The following CRYL1 variants were observed in gnomAD, a reference collection of about 807,000 sequenced individuals.
CRYL1 encodes the protein lambda-crystallin homolog.
In CRYL1, 29 loss-of-function variants were observed where a neutral mutation model predicts 36.6. That is an observed-to-expected ratio of 0.79 (90% confidence interval 0.59 to 1.08). The LOEUF (loss-of-function observed/expected upper bound fraction) is 1.08. Among genes scored for constraint, CRYL1 ranks in the 50% least tolerant of loss-of-function variants. The pLI, the probability that CRYL1 is intolerant of heterozygous loss-of-function variation, is 0.00. For synonymous variants in CRYL1, 152 were observed against 151.5 expected, an observed-to-expected ratio of 1.00 and a Z score of -0.02; for missense variants, 411 against 407.9, an observed-to-expected ratio of 1.01 and a Z score of -0.06.
rs548384503 is a variant in CRYL1, at chr13:20,441,010, A to C, written c.277-1256T>G. On this transcript the variant is annotated intron_variant, in intron 3 of 7. Coordinates refer to ENST00000298248, the MANE Select transcript of CRYL1 (RefSeq NM_015974.3). ...TGTGGATGGAAGCACACCAGGTGGAAGACGCAAGAGCTGCTCTGACACTTT... is the reference window on the plus strand; with the variant it reads ...TGTGGATGGAAGCACACCAGGTGGACGACGCAAGAGCTGCTCTGACACTTT... 2.6e-5 allele frequency among the ~76,000 whole-genome samples: 4 copies of C among 152,290 alleles called. No homozygotes were observed. The East Asian group carries it at 7.7e-4, about 29-fold the overall frequency.
chr13:20,404,225 G>A lies in CRYL1; in HGVS notation c.864C>T (p.Val288=). ...EKVNQDMCMK[V]PDDPEHLAAR... is the part of the protein sequence containing the mutation. Reference sequence around the variant, plus strand: ...CAGCTAAGTGCTCCGGGTCATCAGGGACCTTCATGCACATGTCCTGCAAGA... The same window carrying A: ...CAGCTAAGTGCTCCGGGTCATCAGGAACCTTCATGCACATGTCCTGCAAGA... The change falls in exon 8 of 8, where the codon GTC becomes GTT. Residue 288 remains valine (V), a synonymous_variant. Transcript: ENST00000298248. 1.2e-6 allele frequency: 2 copies of A among 1,612,336 alleles called. No individual in the cohort carries two copies. Among genetic ancestry groups the A allele is most frequent in the Non-Finnish European group, 1.7e-6 (2 of 1,178,548 alleles).
chr13:20,511,032 T>C (rs2033906834), intron 2 of CRYL1, among the ~76,000 whole-genome samples: 1 of 151,858 alleles, frequency 6.6e-6, no homozygotes, highest in Non-Finnish European at 1.5e-5. Flanking sequence ...TCTATGTGAG[T>C]GGTTTTTCGG....
At chr13:20,430,193 A>G (rs1479249359) in intron 5 of CRYL1, 1 of 984,478 alleles carries the variant, frequency 1.0e-6, no homozygotes, top group African/African-American at 1.7e-5. Flanking sequence ...TTATTTTTAG[A>G]AACAAATTAT....
chr13:20,445,710 T>C (rs1157414047), intron 3 of CRYL1, among the ~76,000 whole-genome samples: 1 of 152,184 alleles, frequency 6.6e-6, no homozygotes, highest in Non-Finnish European at 1.5e-5. Flanking sequence ...AATTGTGAAA[T>C]AACTATAATT....
intron 3 of CRYL1, among the ~76,000 whole-genome samples, chr13:20,474,397 G>A (rs557033335): frequency 2.4e-4 from 36 of 152,250 alleles, no homozygotes; most frequent in African/African-American, 6.7e-4. Flanking sequence ...TCTGAGCTGG[G>A]AGGAGAGAGC....
At chr13:20,498,040 C>G (rs563586387) in intron 2 of CRYL1, among the ~76,000 whole-genome samples, 1 of 151,498 alleles carries the variant, frequency 6.6e-6, no homozygotes, top group Admixed American at 6.6e-5. Context: ...TAGAGCTACA[C>G]ACACAACTAC....
intron 3 of CRYL1, among the ~76,000 whole-genome samples, chr13:20,480,929 G>A (rs552769017): frequency 5.3e-5 from 8 of 152,182 alleles, no homozygotes; most frequent in Admixed American, 3.9e-4. Context: ...TCTCTTGAAT[G>A]TATAACATTT....
At chr13:20,505,916 A>T (rs1030842596) in intron 2 of CRYL1, among the ~76,000 whole-genome samples, 8 of 152,180 alleles carry the variant, frequency 5.3e-5, no homozygotes, top group Non-Finnish European at 1.0e-4. Flanking sequence ...GTTGCTGTTG[A>T]CAAGACTTCA....
In CRYL1 at chr13:20,507,006, G is replaced by A. The variant is rs144096615; in HGVS notation, c.149+5437C>T. 1.8e-3 allele frequency among the ~76,000 whole-genome samples: 274 copies of A among 152,296 alleles called. 2 individuals carry two copies. The highest frequency in any genetic ancestry group is 5.8e-3 in the African/African-American group (240 of 41,556). ...TCTCATAACAGTGAATAAGTCTCAC[G>A]AGATCTGATGGTTTTATAAAGCGGA... On this transcript the variant is annotated intron_variant, in intron 2 of 7. Transcript: ENST00000298248.
intron 3 of CRYL1, among the ~76,000 whole-genome samples, chr13:20,473,321 G>A (rs35605646): frequency 6.6e-6 from 1 of 152,266 alleles, no homozygotes; most frequent in African/African-American, 2.4e-5. Context: ...ACTTTAAGGA[G>A]CTGTGAGACA....
intron 4 of CRYL1, among the ~76,000 whole-genome samples, chr13:20,439,222 T>C (rs2032297779): frequency 6.6e-6 from 1 of 152,138 alleles, no homozygotes. Context: ...CACTTTTATA[T>C]TGATAGTAGA....
intron 3 of CRYL1, among the ~76,000 whole-genome samples, chr13:20,465,078 G>A (rs2032904482): frequency 6.6e-6 from 1 of 152,180 alleles, no homozygotes; most frequent in Non-Finnish European, 1.5e-5. Context: ...CTCCATAGTA[G>A]TTTAAGTAGA....
chr13:20,450,529 T>C (rs574417859), intron 3 of CRYL1, among the ~76,000 whole-genome samples: 1 of 152,224 alleles, frequency 6.6e-6, no homozygotes, highest in African/African-American at 2.4e-5. Context: ...ACATTAGCCT[T>C]TGGAAAGAAT....
chr13:20,488,176 C>T (rs1198674904), intron 3 of CRYL1, among the ~76,000 whole-genome samples: 1 of 152,064 alleles, frequency 6.6e-6, no homozygotes, highest in Non-Finnish European at 1.5e-5. Flanking sequence ...AGCATCTGTG[C>T]TCTTCAGAAG....
intron 3 of CRYL1, among the ~76,000 whole-genome samples, chr13:20,447,676 A>C (rs951407137): frequency 5.3e-5 from 8 of 152,170 alleles, no homozygotes; most frequent in African/African-American, 7.2e-5. Flanking sequence ...AGGAAAAAAA[A>C]CCCCACAAAA....
intron 6 of CRYL1, among the ~76,000 whole-genome samples, chr13:20,409,865 T>C (rs1176392048): frequency 1.3e-5 from 2 of 152,122 alleles, no homozygotes; most frequent in Admixed American, 1.3e-4. Flanking sequence ...ATGGCAATCA[T>C]TAAAAAGTCA....
At chr13:20,487,498 T>G (rs2033423810) in intron 3 of CRYL1, among the ~76,000 whole-genome samples, 1 of 152,188 alleles carries the variant, frequency 6.6e-6, no homozygotes, top group South Asian at 2.1e-4. Flanking sequence ...ATGCTGAAGT[T>G]GGAGATATCA....
At chr13:20,489,594 G>T in intron 2 of CRYL1, 98 bp from the exon 3 acceptor site, 1 of 1,433,914 alleles carries the variant, frequency 7.0e-7, no homozygotes, top group South Asian at 1.2e-5. Context: ...ATGCCAAGCA[G>T]AACCACAGTG....
intron 5 of CRYL1, among the ~76,000 whole-genome samples, chr13:20,424,831 G>A (rs557393756): frequency 7.9e-5 from 12 of 152,282 alleles, no homozygotes; most frequent in African/African-American, 2.9e-4. Context: ...ACGGAGCTCT[G>A]GAAGCCCCAT....
Sources: gnomAD v4.1 joint callset for allele counts (sites outside exome capture counted in the v4.1 genomes callset) on GRCh38, gnomAD v4.1.1 for gene constraint, MANE v1.5 for transcripts, NCBI Gene and HGNC (gene_info 2026-07-23, HGNC 2026-07-21) for gene names.